BID: variants seen among roughly 807,000 people sequenced by gnomAD.
The protein encoded by BID is BH3-interacting domain death agonist.
In BID, 19 loss-of-function variants were observed where a neutral mutation model predicts 17.4. That is an observed-to-expected ratio of 1.09 (90% CI 0.76 to 1.60). The LOEUF (loss-of-function observed/expected upper bound fraction) is 1.60, where lower values mean the gene tolerates loss of function less well. BID is among the 40% of genes most tolerant of loss of function. BID has a pLI of 0.00. For missense variants in BID, 226 were observed against 256.0 expected (o/e 0.88, Z 0.80); for synonymous variants, 108 against 102.8 (o/e 1.05, Z -0.31).
chr22:17,738,260 A>C (rs1226492322), intron 4 of BID, 31 bp from the exon 5 acceptor site: 55 of 1,585,668 alleles, frequency 3.5e-5, no homozygotes, highest in Non-Finnish European at 4.4e-5. Flanking sequence ...AACCTGGTTT[A>C]CTAATACTCT....
At chr22:17,756,462 T>TC (rs1491377996) in intron 1 of BID, among the ~76,000 whole-genome samples, 18 of 120,354 alleles carry the variant, frequency 1.5e-4, no homozygotes, top group African/African-American at 6.2e-4. Flanking sequence ...TTTCTTTCTT[T>TC]CTTTCTTTCT....
In BID at chr22:17,735,202, AT is replaced by A. The variant is rs201491655; in HGVS notation, c.*377del. On this transcript the variant is annotated 3_prime_UTR_variant, in exon 6 of 6. Coordinates refer to ENST00000622694, the MANE Select transcript of BID (RefSeq NM_001196.4). ...TATGGTTGTACTTTAATAAACAGTA[AT>A]TTTTTTTTACCAAAAAAATTGTATT... 160 of 219,048 alleles carry A rather than the reference AT, an allele frequency of 7.3e-4. No homozygotes were observed. The highest frequency in any genetic ancestry group is 1.8e-3 in the Middle Eastern group (1 of 554). 13.6% of individuals were successfully genotyped at this position (219,048 alleles called of 1,614,324 possible).
At chr22:17,767,223 C>CAAAA (rs36077043) in intron 1 of BID, among the ~76,000 whole-genome samples, 2 of 145,740 alleles carry the variant, frequency 1.4e-5, no homozygotes, top group African/African-American at 5.0e-5. Flanking sequence ...GATTCCATCT[C>CAAAA]AAAAAAAAAA....
At chr22:17,756,571 T>TCTTTCCTTCCTTTC (rs2061592829) in intron 1 of BID, among the ~76,000 whole-genome samples, 1 of 151,276 alleles carries the variant, frequency 6.6e-6, no homozygotes, top group Non-Finnish European at 1.5e-5. Flanking sequence ...TCCTTTCCTT[T>TCTTTCCTTCCTTTC]CTTTCTTTTT....
chr22:17,756,911 G>A (rs1043370942), intron 1 of BID, among the ~76,000 whole-genome samples: 4 of 152,008 alleles, frequency 2.6e-5, no homozygotes, highest in Non-Finnish European at 5.9e-5. Flanking sequence ...GGACTCATGA[G>A]ACTGACCTGA....
chr22:17,736,325 T>C (rs2061419114), intron 5 of BID, among the ~76,000 whole-genome samples: 1 of 151,772 alleles, frequency 6.6e-6, no homozygotes, highest in Admixed American at 6.6e-5. Context: ...GTCATGGTGG[T>C]GTGTGCCTGT....
At chr22:17,750,634 C>G (rs933684511) in intron 1 of BID, among the ~76,000 whole-genome samples, 13 of 152,102 alleles carry the variant, frequency 8.5e-5, no homozygotes, top group African/African-American at 3.1e-4. Context: ...CGAGACCACC[C>G]TGGCTAATGC....
chr22:17,738,187 G>A lies in BID; in HGVS notation c.406C>T (p.Gln136Ter), dbSNP rs145415034. The A allele has an allele frequency of 6.2e-7, 1 of 1,612,648 alleles. No homozygotes were observed. Among genetic ancestry groups the A allele is most frequent in the South Asian group, 1.1e-5 (1 of 91,032 alleles). Residue 136 changes from glutamine to a stop codon, truncating the protein, a stop_gained, in exon 5 of 6, where the codon CAG becomes TAG. Transcript: ENST00000622694. LOFTEE classifies it high-confidence loss of function. ...DLATALEQLL[Q>*]AYPRDMEKEK... Reference sequence around the variant, plus strand: ...TTCTCCATGTCTCTAGGGTAGGCCTGCAGCAGCTGCTCCAGGGCAGTGGCC... The same window carrying A: ...TTCTCCATGTCTCTAGGGTAGGCCTACAGCAGCTGCTCCAGGGCAGTGGCC...
chr22:17,746,966 TGC>T (rs1282915479), intron 2 of BID, among the ~76,000 whole-genome samples: 5 of 152,210 alleles, frequency 3.3e-5, no homozygotes, highest in Non-Finnish European at 7.3e-5. Context: ...CTTTTTGACC[TGC>T]GCTTGGTAAA....
chr22:17,774,047 T>TCCCCGCG, intron 1 of BID: 1 of 335,168 alleles, frequency 3.0e-6, no homozygotes, highest in Non-Finnish European at 5.5e-6. Context: ...CCCCTCCCCC[T>TCCCCGCG]CCCCGCGCCC....
intron 1 of BID, among the ~76,000 whole-genome samples, chr22:17,756,869 G>A (rs943812775): frequency 5.3e-5 from 8 of 151,946 alleles, no homozygotes; most frequent in Non-Finnish European, 1.0e-4. Context: ...CCACTATGCC[G>A]GCCGCAAAGG....
chr22:17,771,523 C>T (rs751941215), intron 1 of BID, among the ~76,000 whole-genome samples: 10 of 152,018 alleles, frequency 6.6e-5, no homozygotes, highest in Non-Finnish European at 1.2e-4. Flanking sequence ...GCAATCCTCC[C>T]GTCTCAGCCT....
chr22:17,757,511 A>G (rs538153542), intron 1 of BID, among the ~76,000 whole-genome samples: 2 of 151,474 alleles, frequency 1.3e-5, no homozygotes, highest in East Asian at 3.9e-4. Context: ...GATCCAGACC[A>G]TCCTGGCTAA....
chr22:17,762,702 C>A (rs2061649006), intron 1 of BID, among the ~76,000 whole-genome samples: 1 of 151,524 alleles, frequency 6.6e-6, no homozygotes, highest in Non-Finnish European at 1.5e-5. Flanking sequence ...AGGTAAGGAC[C>A]ACTGTGACTG....
chr22:17,754,748 TTTTTTG>T (rs1168886967), intron 1 of BID, among the ~76,000 whole-genome samples: 2 of 152,164 alleles, frequency 1.3e-5, no homozygotes, highest in Non-Finnish European at 2.9e-5. Flanking sequence ...CTTTTCCAGT[TTTTTTG>T]TTTTTGTTTT....
intron 1 of BID, among the ~76,000 whole-genome samples, chr22:17,755,247 C>A (rs2061573676): frequency 6.6e-6 from 1 of 152,154 alleles, no homozygotes; most frequent in East Asian, 1.9e-4. Context: ...ACCATGCCCG[C>A]TAATTTAGGA....
chr22:17,771,419 C>G (rs1248285549), intron 1 of BID, among the ~76,000 whole-genome samples: 1 of 151,918 alleles, frequency 6.6e-6, no homozygotes, highest in African/African-American at 2.4e-5. Context: ...CTTTAAGACC[C>G]CACTTCCCAC....
At position 17,769,032 on chromosome 22, in the gene BID, A is replaced by C. The variant is rs1254199274; in HGVS notation, c.-59+5349T>G. On this transcript the variant is annotated intron_variant, in intron 1 of 5. Coordinates refer to ENST00000622694, the MANE Select transcript of BID (RefSeq NM_001196.4). The surrounding 1 kb of genome is among the most constrained non-coding windows in gnomAD (Gnocchi z 4.8). ...ACTCCAGCCTGGGCGACAGAGTGAG[A>C]CTCGTCTCAAAAATAAATAAATAAA... 6.7e-6 allele frequency among the ~76,000 whole-genome samples: 1 copy of C among 148,884 alleles called. No individual in the cohort carries two copies. The highest frequency in any genetic ancestry group is 1.5e-5 in the Non-Finnish European group (1 of 67,442).
chr22:17,753,282 T>A (rs965774009), intron 1 of BID, among the ~76,000 whole-genome samples: 18 of 152,192 alleles, frequency 1.2e-4, no homozygotes, highest in African/African-American at 4.3e-4. Flanking sequence ...TGGGACATTT[T>A]CTATCAAATC....
Sources: allele counts gnomAD v4.1 joint callset (sites outside exome capture counted in the v4.1 genomes callset), GRCh38; gene constraint gnomAD v4.1.1; non-coding constraint Gnocchi (gnomAD v3.1); transcripts MANE v1.5; gene names NCBI Gene and HGNC (gene_info 2026-07-23, HGNC 2026-07-21).